The following NRXN1 variants were observed in gnomAD, a reference collection of about 807,000 sequenced individuals.
NRXN1 encodes the protein neurexin 1.
Under a neutral mutation model 150.9 loss-of-function variants are expected in NRXN1, and 39 were observed. The ratio of observed to expected loss-of-function variants is 0.26; its 90% CI spans 0.20 to 0.34. The LOEUF (loss-of-function observed/expected upper bound fraction) is 0.34. NRXN1 is among the 10% of genes least tolerant of loss of function. The pLI, the probability that NRXN1 is intolerant of heterozygous loss-of-function variation, is 1.00. For synonymous variants in NRXN1, 924 were observed against 757.0 expected (o/e 1.22, Z -3.62); for missense variants, 1,815 against 1,949.9 (o/e 0.93, Z 1.30).
intron 5 of NRXN1, among the ~76,000 whole-genome samples, chr2:50,708,805 C>T (rs1014504238): frequency 1.2e-4 from 19 of 152,162 alleles, no homozygotes; most frequent in African/African-American, 3.6e-4. Context: ...TGAAACTACT[C>T]ATGTAAGGAG....
At chr2:50,396,284 T>G (rs2082045815) in intron 17 of NRXN1, among the ~76,000 whole-genome samples, 1 of 152,196 alleles carries the variant, frequency 6.6e-6, no homozygotes, top group Admixed American at 6.5e-5. Flanking sequence ...TCCTGTTTAT[T>G]TAGACTTCAT....
intron 2 of NRXN1, among the ~76,000 whole-genome samples, chr2:50,949,994 G>A (rs1283550530): frequency 1.3e-5 from 2 of 152,144 alleles, no homozygotes; most frequent in South Asian, 2.1e-4. Flanking sequence ...TAACTGTGAA[G>A]GCAGGAGGAG....
intron 2 of NRXN1, among the ~76,000 whole-genome samples, chr2:50,977,628 AC>A (rs1696076711): frequency 1.3e-5 from 2 of 151,906 alleles, no homozygotes; most frequent in South Asian, 2.1e-4. Context: ...AAGTGGGTCC[AC>A]CACATTAAAC....
At chr2:50,712,766 GTA>G (rs1695343369) in intron 5 of NRXN1, among the ~76,000 whole-genome samples, 1 of 152,114 alleles carries the variant, frequency 6.6e-6, no homozygotes, top group African/African-American at 2.4e-5. Flanking sequence ...GTGTCCCTGT[GTA>G]ACCTCATGAC....
chr2:51,002,074 T>G (rs1184328669), intron 2 of NRXN1, among the ~76,000 whole-genome samples: 2 of 152,012 alleles, frequency 1.3e-5, no homozygotes, highest in African/African-American at 4.8e-5. Flanking sequence ...CTGTCCACTC[T>G]TCATCAAACC....
At chr2:50,765,026 T>A (rs558653441) in intron 5 of NRXN1, among the ~76,000 whole-genome samples, 1 of 152,138 alleles carries the variant, frequency 6.6e-6, no homozygotes, top group South Asian at 2.1e-4. Flanking sequence ...CGCTTAGTAC[T>A]TTCTGCTTCA....
At chr2:50,283,051 ACTTGTAAG>A (rs1190509424) in intron 17 of NRXN1, among the ~76,000 whole-genome samples, 1 of 152,116 alleles carries the variant, frequency 6.6e-6, no homozygotes, top group Non-Finnish European at 1.5e-5. Context: ...TATTTTTGAG[ACTTGTAAG>A]CTCTGTGAAG....
intron 18 of NRXN1, among the ~76,000 whole-genome samples, chr2:50,187,845 T>C (rs989053278): frequency 2.0e-5 from 3 of 152,158 alleles, no homozygotes; most frequent in Non-Finnish European, 2.9e-5. Flanking sequence ...TTTGTGGCAA[T>C]TGTGAATGGG....
At chr2:50,368,129 T>C (rs1390305228) in intron 17 of NRXN1, among the ~76,000 whole-genome samples, 1 of 152,016 alleles carries the variant, frequency 6.6e-6, no homozygotes, top group Non-Finnish European at 1.5e-5. Context: ...TAAATCTAGC[T>C]TGTTCTTTCT....
chr2:50,055,648 C>A (rs900301640), intron 19 of NRXN1, among the ~76,000 whole-genome samples: 6 of 152,158 alleles, frequency 3.9e-5, no homozygotes, highest in African/African-American at 1.4e-4. Flanking sequence ...TTGGACATCA[C>A]AAGAGAATGC....
intron 18 of NRXN1, among the ~76,000 whole-genome samples, chr2:50,132,552 G>A (rs1346278762): frequency 6.6e-6 from 1 of 151,850 alleles, no homozygotes; most frequent in South Asian, 2.1e-4. Flanking sequence ...TGATCTTCCC[G>A]CCTCGGCCTC....
At position 50,588,334 on chromosome 2, in the gene NRXN1, T is replaced by G. The variant is rs9784078; in HGVS notation, c.1320+31688A>C. ...AACAGGAAATAATAAAAAATAACAT[T>G]AAACTAAATAGTAACTGTGACACTG... On this transcript the variant is annotated intron_variant, in intron 8 of 22. Transcript: ENST00000401669. 7.5e-3 allele frequency among the ~76,000 whole-genome samples: 1,146 copies of G among 152,248 alleles called. 12 individuals are homozygous for G. Among genetic ancestry groups the G allele is most frequent in the African/African-American group, 0.026 (1,082 of 41,546 alleles).
At chr2:50,900,519 T>C (rs987745229) in intron 5 of NRXN1, among the ~76,000 whole-genome samples, 9 of 152,144 alleles carry the variant, frequency 5.9e-5, no homozygotes, top group African/African-American at 2.2e-4. Flanking sequence ...ACGGAAGGCA[T>C]TTCAGGTGGG....
At chr2:50,848,353 C>T (rs761216649) in intron 5 of NRXN1, among the ~76,000 whole-genome samples, 2 of 152,076 alleles carry the variant, frequency 1.3e-5, no homozygotes, top group Non-Finnish European at 1.5e-5. Flanking sequence ...ATTTGTCCTC[C>T]TAATGTCTAT....
intron 8 of NRXN1, among the ~76,000 whole-genome samples, chr2:50,583,955 G>T (rs1181558994): frequency 6.6e-6 from 1 of 152,186 alleles, no homozygotes; most frequent in African/African-American, 2.4e-5. Context: ...TGATGAGCTG[G>T]ACATTTGGTT....
In NRXN1 at chr2:50,924,904, T is replaced by C. The variant is rs188902588; in HGVS notation, c.790+1034A>G. On this transcript the variant is annotated intron_variant, in intron 3 of 22. Transcript: ENST00000401669. ...GAAGTCTTGGTAACCTTAATGGCTA[T>C]TTATCTGTAACCTGGGATAGGGAGT... 1.4e-4 allele frequency among the ~76,000 whole-genome samples: 22 copies of C among 151,852 alleles called. 1 individual carries two copies. The highest frequency in any genetic ancestry group is 2.7e-4 in the Non-Finnish European group (18 of 67,748).
intron 2 of NRXN1, among the ~76,000 whole-genome samples, chr2:50,926,902 GT>G (rs1686980892): frequency 6.6e-6 from 1 of 151,734 alleles, no homozygotes. Flanking sequence ...AATATATAAG[GT>G]TTAAAGTATT....
At chr2:50,933,755 T>C (rs1228441149) in intron 2 of NRXN1, among the ~76,000 whole-genome samples, 1 of 152,134 alleles carries the variant, frequency 6.6e-6, no homozygotes, top group African/African-American at 2.4e-5. Context: ...GGTACCCTAA[T>C]GATTCCTTTT....
intron 17 of NRXN1, among the ~76,000 whole-genome samples, chr2:50,390,342 A>G (rs539689128): frequency 5.9e-5 from 9 of 152,244 alleles, no homozygotes; most frequent in Non-Finnish European, 1.2e-4. Flanking sequence ...TCCCCTTTGT[A>G]CATTCTTCTT....
Sources: allele counts gnomAD v4.1 joint callset (sites outside exome capture counted in the v4.1 genomes callset), GRCh38; gene constraint gnomAD v4.1.1; transcripts MANE v1.5; gene names NCBI Gene and HGNC (gene_info 2026-07-23, HGNC 2026-07-21).